Variants in ATP2B1 observed in about 807,000 individuals in gnomAD.
ATP2B1 encodes the protein ATPase plasma membrane Ca2+ transporting 1, also known as plasma membrane calcium-transporting ATPase 1.
A neutral mutation model predicts 124.2 loss-of-function variants in ATP2B1; 14 were observed. That is an observed-to-expected ratio of 0.11 (90% CI 0.07 to 0.18). ATP2B1 has a LOEUF of 0.18. ATP2B1 is among the 10% of genes least tolerant of loss of function. The pLI, the probability that ATP2B1 is intolerant of heterozygous loss-of-function variation, is 1.00. For synonymous variants in ATP2B1, 449 were observed against 492.4 expected, an observed-to-expected ratio of 0.91 and a Z score of 1.17; for missense variants, 763 against 1,466.1, an observed-to-expected ratio of 0.52 and a Z score of 7.83.
At chr12:89,699,808 G>C (rs1192950176) in intron 1 of ATP2B1, among the ~76,000 whole-genome samples, 2 of 152,046 alleles carry the variant, frequency 1.3e-5, no homozygotes, top group Non-Finnish European at 2.9e-5. Context: ...ATTAAATTAT[G>C]TACATAAAAA....
chr12:89,705,872 T>C (rs752306928), intron 1 of ATP2B1, among the ~76,000 whole-genome samples: 1 of 152,286 alleles, frequency 6.6e-6, no homozygotes, highest in Non-Finnish European at 1.5e-5. Context: ...ACATTGTCTA[T>C]AGAGAAATTG....
chr12:89,679,444 T>A (rs951341323), intron 1 of ATP2B1, among the ~76,000 whole-genome samples: 6 of 152,142 alleles, frequency 3.9e-5, no homozygotes, highest in African/African-American at 1.4e-4. Context: ...CAAGACTTAA[T>A]CTTGATTTTA....
At chr12:89,625,133 G>T (rs994531442) in intron 8 of ATP2B1, among the ~76,000 whole-genome samples, 4 of 152,054 alleles carry the variant, frequency 2.6e-5, no homozygotes, top group African/African-American at 7.2e-5. Context: ...GCTGGGCATG[G>T]TGGTGCGTGC....
At chr12:89,690,031 T>C (rs2136716845) in intron 1 of ATP2B1, among the ~76,000 whole-genome samples, 1 of 152,184 alleles carries the variant, frequency 6.6e-6, no homozygotes, top group African/African-American at 2.4e-5. Context: ...AAACCCCAGT[T>C]ATGAACTTTC....
chr12:89,666,702 T>C (rs1291249021), intron 1 of ATP2B1, among the ~76,000 whole-genome samples: 3 of 152,190 alleles, frequency 2.0e-5, no homozygotes, highest in African/African-American at 7.2e-5. Flanking sequence ...AAAACTGAGT[T>C]CTTAGTTCCA....
intron 12 of ATP2B1, chr12:89,611,649 G>C: frequency 3.6e-6 from 1 of 277,300 alleles, no homozygotes; most frequent in Non-Finnish European, 6.6e-6. Context: ...GCTTTTTAAA[G>C]CACCATTTCC....
At chr12:89,665,907 A>G (rs1887260395) in intron 1 of ATP2B1, among the ~76,000 whole-genome samples, 1 of 152,168 alleles carries the variant, frequency 6.6e-6, no homozygotes, top group South Asian at 2.1e-4. Flanking sequence ...GGGAGGCATA[A>G]CTCTTATCTG....
At chr12:89,658,639 G>GAGAGAGAGAGAGAGAGAT (rs1565882720) in intron 1 of ATP2B1, among the ~76,000 whole-genome samples, 4 of 150,664 alleles carry the variant, frequency 2.7e-5, no homozygotes, top group African/African-American at 9.9e-5. Flanking sequence ...GAGAGAGAGA[G>GAGAGAGAGAGAGAGAGAT]AGAGAGAGAT....
intron 15 of ATP2B1, among the ~76,000 whole-genome samples, chr12:89,607,126 T>C (rs946392929): frequency 2.6e-5 from 4 of 152,184 alleles, no homozygotes; most frequent in African/African-American, 9.7e-5. Flanking sequence ...TGATATCGCA[T>C]AGTGTGTCTC....
Position 89,655,526 on chromosome 12 carries a change from A to G in ATP2B1, c.208+153T>C. On this transcript the variant is annotated intron_variant, in intron 2 of 20. Transcript: ENST00000428670. ...TATGTGTTAATATAAAAATACTTTA[A>G]CTGTATTAATCTGATAACTAACCCA... 1.5e-5 allele frequency: 10 copies of G among 673,754 alleles called. No homozygotes were observed. The South Asian group carries it at 1.8e-4, about 12-fold the overall frequency. The allele number at this position is 673,754 out of a possible 1,614,324, so 41.7% of individuals were successfully genotyped here.
chr12:89,617,704 G>A (rs1879228871), intron 11 of ATP2B1, among the ~76,000 whole-genome samples: 1 of 151,956 alleles, frequency 6.6e-6, no homozygotes. Context: ...TGCTTCTAGG[G>A]AGGTAATTCC....
intron 6 of ATP2B1, among the ~76,000 whole-genome samples, chr12:89,630,039 G>A: frequency 6.6e-6 from 1 of 152,206 alleles, no homozygotes; most frequent in East Asian, 1.9e-4. Context: ...ATGATGGGCT[G>A]AATATAACAA....
At chr12:89,682,462 C>T (rs1477861747) in intron 1 of ATP2B1, among the ~76,000 whole-genome samples, 1 of 152,170 alleles carries the variant, frequency 6.6e-6, no homozygotes, top group Non-Finnish European at 1.5e-5. Context: ...CTAAAATACA[C>T]TGTAAAGTCC....
chr12:89,627,618 C>T (rs1252771332), intron 7 of ATP2B1, 60 bp downstream of exon 7: 1 of 1,548,318 alleles, frequency 6.5e-7, no homozygotes, highest in African/African-American at 1.4e-5. Flanking sequence ...ATATGGTATA[C>T]AGTAGATTTT....
intron 19 of ATP2B1, 121 bp from the exon 20 acceptor site, chr12:89,599,420 A>C: frequency 9.7e-7 from 1 of 1,033,636 alleles, no homozygotes; most frequent in Non-Finnish European, 1.4e-6. Flanking sequence ...CAATGAAGTA[A>C]TGGGATCCTG....
chr12:89,700,395 G>A (rs1159950847), intron 1 of ATP2B1, among the ~76,000 whole-genome samples: 2 of 152,108 alleles, frequency 1.3e-5, no homozygotes, highest in Admixed American at 1.3e-4. Context: ...GTTGTCAGGA[G>A]TGTCCACACT....
chr12:89,602,249 T>C (rs764011412), intron 18 of ATP2B1, among the ~76,000 whole-genome samples: 6 of 152,094 alleles, frequency 3.9e-5, no homozygotes, highest in Admixed American at 2.0e-4. Flanking sequence ...CTAGGCAACA[T>C]AGCAAGACCC....
rs967671759 is a variant in ATP2B1, at chr12:89,634,860, A to G, written c.705T>C (p.Asp235=). 9.9e-6 allele frequency: 16 copies of G among 1,613,248 alleles called. No individual in the cohort carries two copies. Among genetic ancestry groups the G allele is most frequent in the Non-Finnish European group, 1.2e-5 (14 of 1,179,608 alleles). ...PADGILIQGN[D]LKIDESSLTG... The stretch of plus-strand genomic sequence containing the variant: ...TCAATGAGCTTTCATCAATTTTAAG[A>G]TCGTTGCCTTGAATAAGTATGCCGT... The change falls in exon 5 of 21, where the codon GAT becomes GAC. Residue 235 remains aspartate (D), a synonymous_variant. Coordinates refer to ENST00000428670, the MANE Select transcript of ATP2B1 (RefSeq NM_001366521.1).
At chr12:89,618,699 T>C (rs962123275) in intron 11 of ATP2B1, among the ~76,000 whole-genome samples, 1 of 152,210 alleles carries the variant, frequency 6.6e-6, no homozygotes, top group African/African-American at 2.4e-5. Context: ...TCTGCTGTGG[T>C]TTCCCCACCT....
Sources: allele counts gnomAD v4.1 joint callset (sites outside exome capture counted in the v4.1 genomes callset), GRCh38; gene constraint gnomAD v4.1.1; transcripts MANE v1.5; gene names NCBI Gene and HGNC (gene_info 2026-07-23, HGNC 2026-07-21).